FRMD4A: variants seen among roughly 807,000 people sequenced by gnomAD.
FRMD4A encodes the protein FERM domain containing 4A.
In FRMD4A, 29 loss-of-function variants were observed where a neutral mutation model predicts 129.1. That is an observed-to-expected ratio of 0.22 (90% CI 0.17 to 0.31). The LOEUF (loss-of-function observed/expected upper bound fraction) is 0.31. Ranked by LOEUF, FRMD4A falls within the 10% of genes least tolerant of loss-of-function variation. FRMD4A has a pLI of 1.00. For synonymous variants in FRMD4A, 634 were observed against 571.6 expected (o/e 1.11, Z -1.56); for missense variants, 1,272 against 1,375.8 (o/e 0.92, Z 1.19).
At position 13,643,825 on chromosome 10, in the gene FRMD4A, T is replaced by A. The variant is rs1330680234; in HGVS notation, c.*3213A>T. On this transcript the variant is annotated 3_prime_UTR_variant, in exon 25 of 25. Coordinates refer to ENST00000357447, the MANE Select transcript of FRMD4A (RefSeq NM_018027.5). The stretch of plus-strand genomic sequence containing the variant: ...TTAAAAGCAGATTTCTTTTTTTAAT[T>A]CTGCAACTTTGTCTACAACGTACAT... The A allele has an allele frequency of 1.3e-5, 2 of 152,708 alleles. No individual in the cohort carries two copies. The highest frequency in any genetic ancestry group is 2.9e-5 in the Non-Finnish European group (2 of 68,058). The allele number at this position is 152,708 out of a possible 1,614,324, so 9.5% of individuals were successfully genotyped here. A position where few individuals can be genotyped will look rare whatever the true frequency, so the allele number is the denominator to read the frequency against.
chr10:13,738,165 A>C (rs568868262), intron 11 of FRMD4A, among the ~76,000 whole-genome samples: 1 of 152,182 alleles, frequency 6.6e-6, no homozygotes, highest in East Asian at 1.9e-4. Context: ...TCTGCTCTTA[A>C]TCAGCCGCAC....
chr10:13,712,460 G>T (rs371218556), intron 12 of FRMD4A, among the ~76,000 whole-genome samples: 10 of 151,448 alleles, frequency 6.6e-5, no homozygotes, highest in African/African-American at 2.4e-4. Flanking sequence ...GTTGCAGTGA[G>T]CCGAGATCTT....
intron 2 of FRMD4A, among the ~76,000 whole-genome samples, chr10:14,105,053 G>A (rs544019490): frequency 2.0e-5 from 3 of 152,226 alleles, no homozygotes; most frequent in East Asian, 3.9e-4. Context: ...AGATCCTTAC[G>A]CGTGGAGTCT....
intron 2 of FRMD4A, among the ~76,000 whole-genome samples, chr10:14,287,945 G>A (rs1218453): frequency 0.52 from 78,962 of 151,754 alleles, 21,258 homozygotes; most frequent in African/African-American, 0.67. Context: ...TGGCTTACAC[G>A]CTAACCATAT....
intron 2 of FRMD4A, among the ~76,000 whole-genome samples, chr10:14,282,184 C>G (rs1251085056): frequency 6.6e-6 from 1 of 152,156 alleles, no homozygotes; most frequent in African/African-American, 2.4e-5. Flanking sequence ...CCCACTGGGT[C>G]CCTCCCACAA....
At chr10:14,199,024 A>G (rs1258877226) in intron 2 of FRMD4A, among the ~76,000 whole-genome samples, 3 of 152,088 alleles carry the variant, frequency 2.0e-5, no homozygotes, top group Non-Finnish European at 2.9e-5. Flanking sequence ...CCTTGTTTCT[A>G]TCTTACCTTT....
chr10:13,992,029 TA>T (rs2095605242), intron 2 of FRMD4A: 1 of 152,186 alleles, frequency 6.6e-6, no homozygotes, highest in Non-Finnish European at 1.5e-5. Flanking sequence ...TATTATCTTC[TA>T]AAAGGAATTA....
chr10:14,096,565 G>A (rs944346033), intron 2 of FRMD4A, among the ~76,000 whole-genome samples: 5 of 152,132 alleles, frequency 3.3e-5, no homozygotes, highest in African/African-American at 1.2e-4. Flanking sequence ...CTGCAAATAA[G>A]TAAGTTTTTC....
chr10:13,705,511 C>A (rs2087337414), intron 13 of FRMD4A, among the ~76,000 whole-genome samples: 4 of 152,180 alleles, frequency 2.6e-5, no homozygotes, highest in Admixed American at 2.6e-4. Flanking sequence ...TATGGAGCAT[C>A]CCCTTTCTGC....
chr10:13,702,025 G>T (rs770164225), intron 13 of FRMD4A, among the ~76,000 whole-genome samples: 1 of 152,138 alleles, frequency 6.6e-6, no homozygotes, highest in African/African-American at 2.4e-5. Flanking sequence ...GAGAAGAAAG[G>T]CAGAGAGAAA....
rs948669326 is a variant in FRMD4A at position 13,842,393 on chromosome 10, G to A, written c.111+16454C>T. Among the ~76,000 whole-genome samples the A allele has an allele frequency of 2.1e-4, 32 of 152,210 alleles. 1 individual carries two copies. The highest frequency in any genetic ancestry group is 2.0e-3 in the Admixed American group (31 of 15,288). On this transcript the variant is annotated intron_variant, in intron 3 of 24. Transcript: ENST00000357447. Reference sequence around the variant, plus strand: ...GCATGAGCCCAGTCAATAACACTGAGCCAGCCTTCTGATGGTCCCAGCCCC... The same window carrying A: ...GCATGAGCCCAGTCAATAACACTGAACCAGCCTTCTGATGGTCCCAGCCCC...
At chr10:13,771,535 TTGG>T (rs2092454060) in intron 6 of FRMD4A, among the ~76,000 whole-genome samples, 1 of 152,212 alleles carries the variant, frequency 6.6e-6, no homozygotes, top group African/African-American at 2.4e-5. Context: ...CCTTGCTCCC[TTGG>T]AAAGTAACCA....
At chr10:14,032,936 T>C (rs1311420205) in intron 2 of FRMD4A, among the ~76,000 whole-genome samples, 2 of 152,184 alleles carry the variant, frequency 1.3e-5, no homozygotes, top group Non-Finnish European at 2.9e-5. Context: ...CCAAGAGCAA[T>C]TCAAGTGGCT....
chr10:14,148,364 A>G (rs1033025750), intron 2 of FRMD4A, among the ~76,000 whole-genome samples: 25 of 152,260 alleles, frequency 1.6e-4, no homozygotes, highest in Admixed American at 6.5e-5. Context: ...CAGGGCCACC[A>G]TCATCTCAAC....
At chr10:14,127,983 TC>T (rs1365115936) in intron 2 of FRMD4A, among the ~76,000 whole-genome samples, 2 of 86,520 alleles carry the variant, frequency 2.3e-5, no homozygotes, top group Admixed American at 1.1e-4. Flanking sequence ...TCTTTCCTTC[TC>T]TCTCTCTCTC....
intron 8 of FRMD4A, among the ~76,000 whole-genome samples, chr10:13,750,097 A>AAATG (rs1421803357): frequency 2.1e-3 from 228 of 108,150 alleles, no homozygotes; most frequent in South Asian, 6.2e-3. Context: ...AGAAAGAAAG[A>AAATG]AAGAAAGAAA....
intron 2 of FRMD4A, among the ~76,000 whole-genome samples, chr10:14,282,511 G>A (rs773285433): frequency 1.3e-5 from 2 of 152,158 alleles, no homozygotes; most frequent in African/African-American, 4.8e-5. Context: ...TTAAATAAAG[G>A]TAGGAGGGAT....
chr10:13,650,011 C>T (rs981293244), intron 24 of FRMD4A, among the ~76,000 whole-genome samples: 1 of 152,198 alleles, frequency 6.6e-6, no homozygotes, highest in Non-Finnish European at 1.5e-5. Flanking sequence ...ACTTCAGAAT[C>T]TGTGGGGGCT....
intron 2 of FRMD4A, among the ~76,000 whole-genome samples, chr10:14,021,004 T>C (rs1344348820): frequency 6.6e-6 from 1 of 152,144 alleles, no homozygotes. Context: ...ACTTGCTCTA[T>C]GTCACCTCTT....
Sources: gnomAD v4.1 joint callset for allele counts (sites outside exome capture counted in the v4.1 genomes callset) on GRCh38, gnomAD v4.1.1 for gene constraint, MANE v1.5 for transcripts, NCBI Gene and HGNC (gene_info 2026-07-23, HGNC 2026-07-21) for gene names.